GPC6: variants seen among roughly 807,000 people sequenced by gnomAD.
The protein encoded by GPC6 is glypican 6.
A neutral mutation model predicts 55.2 loss-of-function variants in GPC6; 14 were observed. The ratio of observed to expected loss-of-function variants is 0.25; its 90% CI spans 0.17 to 0.40. The LOEUF is 0.40. Among genes scored for constraint, GPC6 ranks in the 10% least tolerant of loss-of-function variants. GPC6 has a pLI of 1.00. For missense variants in GPC6, 641 were observed against 708.5 expected (o/e 0.90, Z 1.08); for synonymous variants, 278 against 259.6 (o/e 1.07, Z -0.68).
chr13:93,908,965 C>G (rs1876818910), intron 3 of GPC6, among the ~76,000 whole-genome samples: 1 of 152,160 alleles, frequency 6.6e-6, no homozygotes, highest in Non-Finnish European at 1.5e-5. Context: ...TCATCACTCT[C>G]TAACCTCTTC....
rs1407396857 is a variant in GPC6, at chr13:93,830,253, A to G, written c.419A>G (p.Gln140Arg). 13 of 1,612,030 alleles carry G rather than the reference A, an allele frequency of 8.1e-6. No homozygotes were observed. The East Asian group carries it at 8.9e-5, about 11-fold the overall frequency. The change falls in exon 3 of 9, where the codon CAG becomes CGG. Residue 140 changes from glutamine to arginine, a missense_variant. By Grantham distance (43) the Gln-to-Arg change is conservative. Coordinates refer to ENST00000377047, the MANE Select transcript of GPC6 (RefSeq NM_005708.5). The stretch of plus-strand genomic sequence containing the variant: ...TACATGCAGAATTCAGAAGTCTTCC[A>G]GGACCTCTTCACAGAGCTGAAAAGG... The part of the protein sequence containing the change: ...MLYMQNSEVF[Q>R]DLFTELKRYY...
At chr13:94,262,880 A>T (rs999899637) in intron 4 of GPC6, among the ~76,000 whole-genome samples, 2 of 152,228 alleles carry the variant, frequency 1.3e-5, no homozygotes, top group Admixed American at 1.3e-4. Flanking sequence ...AACAGAGAGC[A>T]AAAGACAAAT....
At chr13:94,227,033 G>A (rs1254180218) in intron 4 of GPC6, among the ~76,000 whole-genome samples, 1 of 152,198 alleles carries the variant, frequency 6.6e-6, no homozygotes, top group Non-Finnish European at 1.5e-5. Flanking sequence ...GCTGTAAAAT[G>A]GTGGAATTCT....
At chr13:94,082,528 A>T (rs373266258) in intron 4 of GPC6, among the ~76,000 whole-genome samples, 63 of 152,116 alleles carry the variant, frequency 4.1e-4, no homozygotes, top group African/African-American at 1.4e-3. Context: ...TCTAAACTTA[A>T]CCAACGCTTC....
intron 2 of GPC6, among the ~76,000 whole-genome samples, chr13:93,572,778 A>G (rs1041824206): frequency 6.6e-6 from 1 of 152,170 alleles, no homozygotes; most frequent in Admixed American, 6.6e-5. Context: ...CCAGAACTTT[A>G]TATTTTCAGA....
intron 2 of GPC6, among the ~76,000 whole-genome samples, chr13:93,584,550 T>C (rs73541561): frequency 0.063 from 9,584 of 152,174 alleles, 962 homozygotes; most frequent in African/African-American, 0.21. Context: ...AGTAGTTTTA[T>C]AGATATAGCC....
At chr13:93,757,314 C>G (rs111730682) in intron 2 of GPC6, among the ~76,000 whole-genome samples, 1,662 of 152,206 alleles carry the variant, frequency 0.011, 25 homozygotes, top group African/African-American at 0.038. Context: ...TGCACAGGCC[C>G]AGCACAGTCT....
intron 4 of GPC6, among the ~76,000 whole-genome samples, chr13:94,111,251 C>T (rs1467389185): frequency 6.6e-6 from 1 of 151,564 alleles, no homozygotes; most frequent in Non-Finnish European, 1.5e-5. Flanking sequence ...ATGTTTTTCC[C>T]ATCTGTCTCT....
intron 1 of GPC6, among the ~76,000 whole-genome samples, chr13:93,402,123 C>T (rs1876112842): frequency 6.6e-6 from 1 of 152,070 alleles, no homozygotes; most frequent in Non-Finnish European, 1.5e-5. Context: ...TGCTTAAAAT[C>T]CATGATTTTT....
At chr13:93,516,236 C>G (rs1284084656) in intron 1 of GPC6, among the ~76,000 whole-genome samples, 2 of 152,300 alleles carry the variant, frequency 1.3e-5, no homozygotes, top group African/African-American at 4.8e-5. Flanking sequence ...ATGTTATCAA[C>G]TCTCTCCAGA....
chr13:93,973,936 TA>T (rs1879944533), intron 3 of GPC6, among the ~76,000 whole-genome samples: 1 of 152,122 alleles, frequency 6.6e-6, no homozygotes, highest in Admixed American at 6.5e-5. Context: ...TCAGACAGAG[TA>T]GTACGTTTCT....
intron 2 of GPC6, among the ~76,000 whole-genome samples, chr13:93,606,479 G>A (rs544886926): frequency 2.6e-5 from 4 of 152,242 alleles, no homozygotes; most frequent in Admixed American, 1.3e-4. Context: ...ACTGACAAAG[G>A]TATTCTTGTT....
At chr13:93,896,033 A>G (rs2140322496) in intron 3 of GPC6, among the ~76,000 whole-genome samples, 1 of 152,222 alleles carries the variant, frequency 6.6e-6, no homozygotes, top group East Asian at 1.9e-4. Flanking sequence ...AAATAACTAC[A>G]GGCATAGAAT....
chr13:94,198,030 G>T (rs535888741), intron 4 of GPC6, among the ~76,000 whole-genome samples: 1 of 152,152 alleles, frequency 6.6e-6, no homozygotes, highest in African/African-American at 2.4e-5. Context: ...ACTAACCATT[G>T]TTATATAGCA....
intron 3 of GPC6, among the ~76,000 whole-genome samples, chr13:93,861,746 G>T (rs1186976208): frequency 6.6e-6 from 1 of 151,680 alleles, no homozygotes; most frequent in African/African-American, 2.4e-5. Flanking sequence ...ACAGTGAAAA[G>T]AACTCTGGTC....
At chr13:93,404,415 T>C (rs1876209524) in intron 1 of GPC6, among the ~76,000 whole-genome samples, 1 of 152,162 alleles carries the variant, frequency 6.6e-6, no homozygotes, top group African/African-American at 2.4e-5. Flanking sequence ...CATAAAAGTG[T>C]TAAGTCTTTA....
At chr13:93,461,819 G>A (rs1203754771) in intron 1 of GPC6, among the ~76,000 whole-genome samples, 1 of 152,048 alleles carries the variant, frequency 6.6e-6, no homozygotes, top group East Asian at 1.9e-4. Flanking sequence ...CTCATATCAT[G>A]CCTTTTTAAA....
intron 1 of GPC6, among the ~76,000 whole-genome samples, chr13:93,271,155 A>G (rs1375655020): frequency 6.6e-6 from 1 of 152,156 alleles, no homozygotes; most frequent in African/African-American, 2.4e-5. Context: ...AGAGCAGGAG[A>G]GAGGCCTGGC....
chr13:93,281,311 T>G (rs927161078), intron 1 of GPC6, among the ~76,000 whole-genome samples: 1 of 152,142 alleles, frequency 6.6e-6, no homozygotes, highest in African/African-American at 2.4e-5. Context: ...ATGAAGACAC[T>G]GGCAGATGCG....
Sources: allele counts gnomAD v4.1 joint callset (sites outside exome capture counted in the v4.1 genomes callset), GRCh38; gene constraint gnomAD v4.1.1; transcripts MANE v1.5; gene names NCBI Gene and HGNC (gene_info 2026-07-23, HGNC 2026-07-21).